FOXP2: variants seen among roughly 807,000 people sequenced by gnomAD.
FOXP2 encodes forkhead box protein P2.
Under a neutral mutation model 115.8 loss-of-function variants are expected in FOXP2, and 12 were observed. The observed-to-expected ratio is 0.10, with a 90% confidence interval of 0.07 to 0.17. FOXP2 has a LOEUF of 0.17. Among genes scored for constraint, FOXP2 ranks in the 10% least tolerant of loss-of-function variants. The pLI, the probability that FOXP2 is intolerant of heterozygous loss-of-function variation, is 1.00. For missense variants in FOXP2, 629 were observed against 843.5 expected, an observed-to-expected ratio of 0.75 and a Z score of 3.15; for synonymous variants, 328 against 297.7, an observed-to-expected ratio of 1.10 and a Z score of -1.05.
intron 16 of FOXP2, among the ~76,000 whole-genome samples, chr7:114,687,711 T>A (rs1274140695): frequency 6.6e-6 from 1 of 152,216 alleles, no homozygotes; most frequent in Non-Finnish European, 1.5e-5. Flanking sequence ...TGTTACCATA[T>A]GATAAATATA....
intron 1 of FOXP2, among the ~76,000 whole-genome samples, chr7:114,245,918 A>G (rs1214156653): frequency 6.6e-6 from 1 of 152,196 alleles, no homozygotes; most frequent in African/African-American, 2.4e-5. Flanking sequence ...TTGTAGAAGA[A>G]ATTGTCAAAA....
chr7:114,625,330 C>A (rs1308442026), intron 3 of FOXP2, among the ~76,000 whole-genome samples: 1 of 151,774 alleles, frequency 6.6e-6, no homozygotes, highest in Non-Finnish European at 1.5e-5. Context: ...TCTCCCTCCT[C>A]TTCTATGTCA....
chr7:114,185,450 G>T (rs890386470), intron 1 of FOXP2, among the ~76,000 whole-genome samples: 1 of 152,152 alleles, frequency 6.6e-6, no homozygotes, highest in Non-Finnish European at 1.5e-5. Flanking sequence ...ATCTCAAAGG[G>T]TTGTTATGGA....
At chr7:114,408,328 T>C (rs983445744) in intron 2 of FOXP2, among the ~76,000 whole-genome samples, 1 of 152,182 alleles carries the variant, frequency 6.6e-6, no homozygotes, top group African/African-American at 2.4e-5. Flanking sequence ...TTTCTCACTA[T>C]AATTTTCTAA....
intron 2 of FOXP2, among the ~76,000 whole-genome samples, chr7:114,386,288 G>A (rs145613349): frequency 0.013 from 1,946 of 152,324 alleles, 17 homozygotes; most frequent in Non-Finnish European, 0.02. Flanking sequence ...CATACAAAGG[G>A]AGGGAACCCA....
At chr7:114,662,624 G>C (rs1806932465) in intron 14 of FOXP2, among the ~76,000 whole-genome samples, 1 of 151,878 alleles carries the variant, frequency 6.6e-6, no homozygotes, top group Non-Finnish European at 1.5e-5. Flanking sequence ...AAAAAATAAG[G>C]CTATTTCTTT....
At chr7:114,224,985 A>T (rs1794710968) in intron 1 of FOXP2, among the ~76,000 whole-genome samples, 1 of 152,160 alleles carries the variant, frequency 6.6e-6, no homozygotes, top group South Asian at 2.1e-4. Context: ...CATCCCCCTT[A>T]CTTTGCTATT....
chr7:114,189,128 A>G (rs1793690506), intron 1 of FOXP2, among the ~76,000 whole-genome samples: 2 of 152,176 alleles, frequency 1.3e-5, no homozygotes, highest in South Asian at 2.1e-4. Context: ...TCCCTCTGCC[A>G]TATCCTAAGC....
chr7:114,654,265 G>A (rs904724279), intron 10 of FOXP2: 1 of 774,410 alleles, frequency 1.3e-6, no homozygotes, highest in South Asian at 1.9e-5. Context: ...CTGCCTTGGG[G>A]CTGAAGCCAG....
intron 2 of FOXP2, among the ~76,000 whole-genome samples, chr7:114,457,958 G>T (rs1795392670): frequency 6.6e-6 from 1 of 151,678 alleles, no homozygotes. Flanking sequence ...CAAGGCAAGT[G>T]AATTCTGTTC....
chr7:114,607,903 C>G (rs891005053), intron 3 of FOXP2, among the ~76,000 whole-genome samples: 10 of 152,120 alleles, frequency 6.6e-5, no homozygotes, highest in African/African-American at 2.2e-4. Flanking sequence ...TGGCTAATTT[C>G]TTATAATTTT....
At chr7:114,658,411 C>A (rs1293860856) in intron 11 of FOXP2, 144 bp downstream of exon 11, 1 of 848,486 alleles carries the variant, frequency 1.2e-6, no homozygotes, top group Non-Finnish European at 1.9e-6. Flanking sequence ...CTGGTAAATG[C>A]GAATAGGGGC....
intron 2 of FOXP2, among the ~76,000 whole-genome samples, chr7:114,327,651 A>T (rs1462405991): frequency 6.6e-6 from 1 of 151,502 alleles, no homozygotes; most frequent in African/African-American, 2.4e-5. Context: ...AGAGGCATGC[A>T]CCACCATGCC....
chr7:114,344,778 A>T (rs1449667076), intron 2 of FOXP2, among the ~76,000 whole-genome samples: 1 of 151,870 alleles, frequency 6.6e-6, no homozygotes, highest in African/African-American at 2.4e-5. Context: ...GGCTTAAAAT[A>T]ACGGTAAAAT....
At chr7:114,314,500 C>T (rs1235538329) in intron 2 of FOXP2, among the ~76,000 whole-genome samples, 5 of 152,060 alleles carry the variant, frequency 3.3e-5, no homozygotes, top group East Asian at 3.9e-4. Context: ...GCAATTTTCA[C>T]ATAGTTCAAT....
chr7:114,240,956 TA>T (rs1187266106), intron 1 of FOXP2, among the ~76,000 whole-genome samples: 1 of 152,082 alleles, frequency 6.6e-6, no homozygotes, highest in African/African-American at 2.4e-5. Flanking sequence ...ATAACACTTT[TA>T]TTTTTTTGTA....
chr7:114,626,732 A>T (rs1804615149), intron 3 of FOXP2, among the ~76,000 whole-genome samples: 1 of 148,148 alleles, frequency 6.8e-6, no homozygotes. Context: ...ATTTTTGTAG[A>T]TTGATACATT....
chr7:114,572,926 T>C lies in FOXP2; in HGVS notation c.258+38220T>C, dbSNP rs1030938281. 2.0e-5 allele frequency among the ~76,000 whole-genome samples: 3 copies of C among 151,858 alleles called. No individual in the cohort carries two copies. The East Asian group carries it at 5.8e-4, about 29-fold the overall frequency. On this transcript the variant is annotated intron_variant, in intron 3 of 16. Coordinates refer to ENST00000350908, the MANE Select transcript of FOXP2 (RefSeq NM_014491.4). The stretch of plus-strand genomic sequence containing the variant: ...GCCCAAGTTTGTGATGACCAGTGTA[T>C]TGGTCTTTCCAAAGGTATCCCAAAT...
chr7:114,646,084 T>A lies in FOXP2; in HGVS notation c.1094+1295T>A, dbSNP rs903119108. ...CTAAAAAAAAAAAAAAAAAAAAAAT[T>A]GTTAAAGCAAAGAAAGAACATAGGG... is the stretch of plus-strand genomic sequence containing the variant. On this transcript the variant is annotated intron_variant, in intron 8 of 16. Coordinates refer to ENST00000350908, the MANE Select transcript of FOXP2 (RefSeq NM_014491.4). Among the ~76,000 whole-genome samples, 258 of 52,642 alleles carry A rather than the reference T, an allele frequency of 4.9e-3. 1 individual carries two copies. Among genetic ancestry groups the A allele is most frequent in the Admixed American group, 0.014 (78 of 5,438 alleles). The allele number at this position is 52,642 out of a possible 152,430, so 34.5% of individuals were successfully genotyped here.
Sources: allele counts gnomAD v4.1 joint callset (sites outside exome capture counted in the v4.1 genomes callset), GRCh38; gene constraint gnomAD v4.1.1; transcripts MANE v1.5; gene names NCBI Gene and HGNC (gene_info 2026-07-23, HGNC 2026-07-21).